The following BCAS3 variants were observed in gnomAD, a reference collection of about 807,000 sequenced individuals.
The protein encoded by BCAS3 is BCAS3 microtubule associated cell migration factor.
In BCAS3, 53 loss-of-function variants were observed where a neutral mutation model predicts 116.1. The observed-to-expected ratio is 0.46, with a 90% CI of 0.37 to 0.57. BCAS3 has a LOEUF of 0.57. Ranked by LOEUF, BCAS3 falls within the 20% of genes least tolerant of loss-of-function variation. The pLI is 0.00. For synonymous variants in BCAS3, 391 were observed against 408.2 expected (o/e 0.96, Z 0.51); for missense variants, 917 against 1,165.4 (o/e 0.79, Z 3.10).
chr17:60,694,508 A>T (rs1327035239), intron 4 of BCAS3, among the ~76,000 whole-genome samples: 1 of 152,076 alleles, frequency 6.6e-6, no homozygotes, highest in African/African-American at 2.4e-5. Context: ...TCAAAAAAAA[A>T]AAATTTATTG....
chr17:61,266,120 C>T (rs2049685474), intron 22 of BCAS3, among the ~76,000 whole-genome samples: 1 of 152,192 alleles, frequency 6.6e-6, no homozygotes, highest in Admixed American at 6.5e-5. Context: ...CTAGGCATAC[C>T]TCTTTTGATC....
chr17:60,689,290 C>T (rs943723739), intron 3 of BCAS3, among the ~76,000 whole-genome samples: 2 of 152,164 alleles, frequency 1.3e-5, no homozygotes, highest in African/African-American at 4.8e-5. Context: ...TCTCGTGTCT[C>T]AGCCTCCCCA....
chr17:60,938,365 G>T (rs1333590250), intron 13 of BCAS3, among the ~76,000 whole-genome samples: 1 of 152,178 alleles, frequency 6.6e-6, no homozygotes, highest in Non-Finnish European at 1.5e-5. Flanking sequence ...ATAATGTCCA[G>T]AACAGTCATT....
intron 22 of BCAS3, among the ~76,000 whole-genome samples, chr17:61,296,175 G>A (rs577972816): frequency 6.6e-6 from 1 of 152,326 alleles, no homozygotes; most frequent in Non-Finnish European, 1.5e-5. Context: ...AGAGACAGAT[G>A]TCTGTTTCCA....
At position 61,378,716 on chromosome 17, in the gene BCAS3, G is replaced by C. The variant is rs932242573; in HGVS notation, c.2593+10222G>C. 6.6e-6 allele frequency: 1 copy of C among 152,176 alleles called. No individual in the cohort carries two copies. The highest frequency in any genetic ancestry group is 2.4e-5 in the African/African-American group (1 of 41,436). The allele number at this position is 152,176 out of a possible 1,614,324, so 9.4% of individuals were successfully genotyped here. On this transcript the variant is annotated intron_variant, in intron 23 of 23. Transcript: ENST00000407086. This position sits in a 1 kb window ranked among gnomAD's most constrained non-coding sequence, Gnocchi z 5.8. ...GGATGGGTTTCTGTGGCCCCTGAGA[G>C]GTAAATGAAAGCCAGTCAAAGCAAT...
chr17:61,392,199 A>G lies in BCAS3; in HGVS notation c.*74A>G. ...AGGGGAGAAGCCCCGCTCTGGTCCT[A>G]CCCTTCAGTCTCTGCTCTTCCTTCA... is the stretch of plus-strand genomic sequence containing the variant. On this transcript the variant is annotated 3_prime_UTR_variant, in exon 24 of 24. Coordinates refer to ENST00000407086, the MANE Select transcript of BCAS3 (RefSeq NM_017679.5). This position sits in a 1 kb window ranked among gnomAD's most constrained non-coding sequence, Gnocchi z 6.4. 4 of 1,508,126 alleles carry G rather than the reference A, an allele frequency of 2.7e-6. No homozygotes were observed. The African/African-American group carries it at 5.6e-5, about 21-fold the overall frequency. The allele number at this position is 1,508,126 out of a possible 1,614,324, so 93.4% of individuals were successfully genotyped here. A position where few individuals can be genotyped will look rare whatever the true frequency, so the allele number is the denominator to read the frequency against.
intron 23 of BCAS3, among the ~76,000 whole-genome samples, chr17:61,372,603 C>T (rs1399066645): frequency 6.6e-6 from 1 of 152,172 alleles, no homozygotes; most frequent in Non-Finnish European, 1.5e-5. Flanking sequence ...TGAGACCAGC[C>T]ACTGCCCTCG....
At chr17:61,317,551 G>A (rs2054849811) in intron 22 of BCAS3, among the ~76,000 whole-genome samples, 1 of 152,210 alleles carries the variant, frequency 6.6e-6, no homozygotes, top group South Asian at 2.1e-4. Context: ...TTGACGGTGA[G>A]GTGAGGTCAC....
intron 8 of BCAS3, among the ~76,000 whole-genome samples, chr17:60,870,530 G>A (rs1006053021): frequency 2.0e-5 from 3 of 152,124 alleles, no homozygotes; most frequent in African/African-American, 7.2e-5. Flanking sequence ...ATAAATAAAT[G>A]TAATAAAGAG....
At position 60,955,474 on chromosome 17, in the gene BCAS3, G is replaced by A. The variant is rs1015251969; in HGVS notation, c.1221+8122G>A. 1.0e-4 allele frequency among the ~76,000 whole-genome samples: 15 copies of A among 146,970 alleles called. 1 individual carries two copies. The highest frequency in any genetic ancestry group is 6.9e-4 in the Admixed American group (10 of 14,392). On this transcript the variant is annotated intron_variant, in intron 14 of 23. Coordinates refer to ENST00000407086, the MANE Select transcript of BCAS3 (RefSeq NM_017679.5). ...CTATCTCAGCTCACTGCAACCTCCC[G>A]ACTGCCTGGTTCAAGCGATTCTCCT...
intron 22 of BCAS3, among the ~76,000 whole-genome samples, chr17:61,154,934 G>A (rs1402998015): frequency 6.6e-6 from 1 of 151,168 alleles, no homozygotes; most frequent in African/African-American, 2.4e-5. Context: ...TTTTTGGTGG[G>A]GGGTGTTTGG....
intron 22 of BCAS3, among the ~76,000 whole-genome samples, chr17:61,202,115 A>T (rs1601878893): frequency 4.9e-5 from 4 of 81,596 alleles, no homozygotes; most frequent in Admixed American, 1.7e-4. Flanking sequence ...TATTCCAGGT[A>T]CTTTCAGAAA....
chr17:60,916,464 A>C (rs2058784493), intron 12 of BCAS3, among the ~76,000 whole-genome samples: 1 of 152,226 alleles, frequency 6.6e-6, no homozygotes, highest in Non-Finnish European at 1.5e-5. Context: ...TCAACTCTTA[A>C]AAATGGCAAA....
At chr17:61,262,116 T>C (rs758550904) in intron 22 of BCAS3, among the ~76,000 whole-genome samples, 1 of 151,798 alleles carries the variant, frequency 6.6e-6, no homozygotes, top group Non-Finnish European at 1.5e-5. Context: ...TCAAAGACAA[T>C]CCAGAAGAAT....
chr17:60,688,269 A>C (rs2034347461), intron 3 of BCAS3: 1 of 152,158 alleles, frequency 6.6e-6, no homozygotes, highest in African/African-American at 2.4e-5. Context: ...CGAGAAATGC[A>C]AATGTTAGAT....
intron 22 of BCAS3, among the ~76,000 whole-genome samples, chr17:61,089,509 CTTTTTTTTTTTTTTTTTTTTTTTTT>C (rs71370187): frequency 6.4e-4 from 17 of 26,724 alleles, no homozygotes; most frequent in Admixed American, 5.4e-3. Flanking sequence ...GAGTTTCACT[CTTTTTTTTTTTTTTTTTTTTTTTTT>C]TTTTTTTTTT....
At chr17:60,888,826 A>T (rs562815793) in intron 9 of BCAS3, among the ~76,000 whole-genome samples, 2 of 147,998 alleles carry the variant, frequency 1.4e-5, no homozygotes, top group African/African-American at 5.1e-5. Context: ...TCTCTTCTCT[A>T]TAAGTTTATT....
intron 22 of BCAS3, among the ~76,000 whole-genome samples, chr17:61,320,178 C>T (rs962794948): frequency 1.3e-5 from 2 of 151,586 alleles, no homozygotes; most frequent in Admixed American, 6.6e-5. Flanking sequence ...GTGTGAGCCA[C>T]GGCACCTGGC....
intron 22 of BCAS3, among the ~76,000 whole-genome samples, chr17:61,280,403 C>A (rs757760533): frequency 2.0e-5 from 3 of 152,198 alleles, no homozygotes; most frequent in Non-Finnish European, 2.9e-5. Flanking sequence ...TTGGTTATCA[C>A]TGAGTCCAAC....
Sources: allele counts gnomAD v4.1 joint callset (sites outside exome capture counted in the v4.1 genomes callset), GRCh38; gene constraint gnomAD v4.1.1; non-coding constraint Gnocchi (gnomAD v3.1); transcripts MANE v1.5; gene names NCBI Gene and HGNC (gene_info 2026-07-23, HGNC 2026-07-21).